Variants in WSCD2 observed in about 807,000 individuals in gnomAD.
The protein encoded by WSCD2 is sialate:O-sulfotransferase 2.
In WSCD2, 28 loss-of-function variants were observed where a neutral mutation model predicts 55.7. That is an observed-to-expected ratio of 0.50 (90% confidence interval 0.37 to 0.69). WSCD2 has a LOEUF of 0.69. WSCD2 is among the 30% of genes least tolerant of loss of function. WSCD2 has a pLI of 0.00. For missense variants in WSCD2, 616 were observed against 762.1 expected, an observed-to-expected ratio of 0.81 and a Z score of 2.26; for synonymous variants, 301 against 301.9, an observed-to-expected ratio of 1.00 and a Z score of 0.03.
At chr12:108,140,887 C>A (rs879743811) in intron 1 of WSCD2, among the ~76,000 whole-genome samples, 1 of 152,230 alleles carries the variant, frequency 6.6e-6, no homozygotes, top group Non-Finnish European at 1.5e-5. Context: ...GGGACTAGAA[C>A]GTGGGCCTTT....
intron 1 of WSCD2, among the ~76,000 whole-genome samples, chr12:108,138,341 G>C (rs1876436193): frequency 1.3e-5 from 2 of 152,172 alleles, no homozygotes; most frequent in South Asian, 4.1e-4. Flanking sequence ...GTAAAAAGAT[G>C]CCCCATTTAA....
In WSCD2 at chr12:108,233,672, T is replaced by C. The variant is rs143506462; in HGVS notation, c.1144+777T>C. ...ACAATTTTTTTTTTCAACAAGCTGA[T>C]TGGGGATTGCATTCTAGTGTTTCCC... On this transcript the variant is annotated intron_variant, in intron 7 of 8. Coordinates refer to ENST00000547525, the MANE Select transcript of WSCD2 (RefSeq NM_014653.4). Among the ~76,000 whole-genome samples, 1,038 of 152,280 alleles carry C rather than the reference T, an allele frequency of 6.8e-3. 10 individuals are homozygous for C. The highest frequency in any genetic ancestry group is 0.023 in the African/African-American group (963 of 41,544).
At chr12:108,161,103 G>A (rs1879009480) in intron 1 of WSCD2, among the ~76,000 whole-genome samples, 1 of 152,194 alleles carries the variant, frequency 6.6e-6, no homozygotes, top group Non-Finnish European at 1.5e-5. Context: ...CACACATGGT[G>A]TATGTGACTT....
chr12:108,227,305 C>T, intron 6 of WSCD2, 141 bp downstream of exon 6: 1 of 1,023,672 alleles, frequency 9.8e-7, no homozygotes, highest in Non-Finnish European at 1.4e-6. Flanking sequence ...ATGAACTCCA[C>T]CAGGCTTAGA....
At chr12:108,156,120 A>G (rs1878483340) in intron 1 of WSCD2, among the ~76,000 whole-genome samples, 1 of 152,206 alleles carries the variant, frequency 6.6e-6, no homozygotes, top group African/African-American at 2.4e-5. Flanking sequence ...TATAATTTTT[A>G]TTTGGCTTTG....
intron 1 of WSCD2, among the ~76,000 whole-genome samples, chr12:108,193,600 G>GATGT (rs139208178): frequency 6.6e-6 from 1 of 151,050 alleles, no homozygotes; most frequent in African/African-American, 2.5e-5. Context: ...AAGGCAAATG[G>GATGT]ATGGATGGAT....
chr12:108,179,261 GGA>G (rs1881336946), intron 1 of WSCD2, among the ~76,000 whole-genome samples: 3 of 151,820 alleles, frequency 2.0e-5, no homozygotes, highest in African/African-American at 7.3e-5. Flanking sequence ...TTTCAGCGGG[GGA>G]GGGGGGGCAG....
chr12:108,224,913 A>C, intron 5 of WSCD2, 53 bp downstream of exon 5: 1 of 1,585,838 alleles, frequency 6.3e-7, no homozygotes. Context: ...CATGCAGCAG[A>C]GCTGCAGGAA....
At chr12:108,137,700 G>A (rs572836078) in intron 1 of WSCD2, among the ~76,000 whole-genome samples, 10 of 152,324 alleles carry the variant, frequency 6.6e-5, no homozygotes, top group East Asian at 1.9e-4. Context: ...CCAAGAAATA[G>A]TTAAATCCTA....
At chr12:108,207,333 A>G (rs890685260) in intron 3 of WSCD2, among the ~76,000 whole-genome samples, 28 of 151,998 alleles carry the variant, frequency 1.8e-4, no homozygotes, top group African/African-American at 6.8e-4. Context: ...GGGCAAGTGG[A>G]TGACCCCTGA....
chr12:108,211,924 A>C (rs1427766246), intron 4 of WSCD2, among the ~76,000 whole-genome samples: 4 of 151,702 alleles, frequency 2.6e-5, no homozygotes, highest in African/African-American at 9.7e-5. Context: ...CAGGCTCCCA[A>C]AGTGCTGGAA....
intron 2 of WSCD2, among the ~76,000 whole-genome samples, chr12:108,200,083 C>G (rs1413475171): frequency 6.6e-6 from 1 of 152,188 alleles, no homozygotes; most frequent in Non-Finnish European, 1.5e-5. Context: ...TGTGCTGCTT[C>G]TATTTCCATG....
intron 1 of WSCD2, among the ~76,000 whole-genome samples, chr12:108,145,546 G>A (rs1877299552): frequency 6.6e-6 from 1 of 152,210 alleles, no homozygotes; most frequent in Non-Finnish European, 1.5e-5. Flanking sequence ...GCTGGTGGGA[G>A]TGTGAATTGG....
At position 108,181,276 on chromosome 12, in the gene WSCD2, G is replaced by T. The variant is rs544873786; in HGVS notation, c.-551-14006G>T. Among the ~76,000 whole-genome samples the T allele has an allele frequency of 2.0e-5, 3 of 152,288 alleles. No individual in the cohort carries two copies. The South Asian group carries it at 6.2e-4, about 32-fold the overall frequency. On this transcript the variant is annotated intron_variant, in intron 1 of 8. Transcript: ENST00000547525. Reference sequence around the variant, plus strand: ...CACCCCGGCGGATTTATTCCTGGGGGTGTGTGGGCGGCTGCGTGTTTGTGT... The same window carrying T: ...CACCCCGGCGGATTTATTCCTGGGGTTGTGTGGGCGGCTGCGTGTTTGTGT...
chr12:108,168,842 T>C (rs1879931766), intron 1 of WSCD2, among the ~76,000 whole-genome samples: 1 of 152,214 alleles, frequency 6.6e-6, no homozygotes, highest in African/African-American at 2.4e-5. Context: ...ATGTTCCTGG[T>C]GTATAGCAAG....
chr12:108,206,519 C>G, intron 3 of WSCD2, 116 bp downstream of exon 3: 1 of 991,474 alleles, frequency 1.0e-6, no homozygotes, highest in Non-Finnish European at 1.5e-6. Context: ...CACGTGACCA[C>G]AGGAAAGGTT....
intron 1 of WSCD2, among the ~76,000 whole-genome samples, chr12:108,131,105 G>A (rs1938968671): frequency 1.3e-5 from 2 of 152,108 alleles, no homozygotes; most frequent in African/African-American, 2.4e-5. Context: ...CCAAGTTAGA[G>A]CTGCGTCCCT....
chr12:108,152,020 C>T (rs910770526), intron 1 of WSCD2, among the ~76,000 whole-genome samples: 1 of 152,196 alleles, frequency 6.6e-6, no homozygotes, highest in Non-Finnish European at 1.5e-5. Context: ...CGTCGCTGCT[C>T]TCCTGGATCC....
At position 108,208,593 on chromosome 12, in the gene WSCD2, C is replaced by A. The variant is rs549221716; in HGVS notation, c.498-1528C>A. On this transcript the variant is annotated intron_variant, in intron 3 of 8. Coordinates refer to ENST00000547525, the MANE Select transcript of WSCD2 (RefSeq NM_014653.4). ...CTCAAAGGCCAGGACTCCTGAAATA[C>A]ACTGAAACACTCAGGGTGCTCAGGT... 3.9e-5 allele frequency among the ~76,000 whole-genome samples: 6 copies of A among 152,260 alleles called. No individual in the cohort carries two copies. In the East Asian group the frequency reaches 1.2e-3, roughly 29 times the overall value.
Sources: allele counts gnomAD v4.1 joint callset (sites outside exome capture counted in the v4.1 genomes callset), GRCh38; gene constraint gnomAD v4.1.1; transcripts MANE v1.5; gene names NCBI Gene and HGNC (gene_info 2026-07-23, HGNC 2026-07-21).